FUBP3: variants seen among roughly 807,000 people sequenced by gnomAD.
The protein encoded by FUBP3 is far upstream element-binding protein 3.
FUBP3 carries 28 observed loss-of-function variants against 85.6 expected under a neutral mutation model. That is an observed-to-expected ratio of 0.33 (90% CI 0.24 to 0.45). The LOEUF (loss-of-function observed/expected upper bound fraction) is 0.45, where lower values mean the gene tolerates loss of function less well. FUBP3 is among the 20% of genes least tolerant of loss of function. FUBP3 has a pLI of 1.00. For missense variants in FUBP3, 583 were observed against 755.1 expected (o/e 0.77, Z 2.67); for synonymous variants, 271 against 271.4 (o/e 1.00, Z 0.01).
At chr9:130,581,971 A>G (rs1392914540) in intron 1 of FUBP3, 1 of 152,220 alleles carries the variant, frequency 6.6e-6, no homozygotes, top group African/African-American at 2.4e-5. Context: ...GCCTCCGTGT[A>G]TATCCTTTGG....
At chr9:130,615,856 G>A (rs1027068736) in intron 6 of FUBP3, among the ~76,000 whole-genome samples, 2 of 152,196 alleles carry the variant, frequency 1.3e-5, no homozygotes, top group African/African-American at 2.4e-5. Context: ...AAGAAGAAGC[G>A]TGGAGTATGG....
chr9:130,629,232 C>G (rs970776591), intron 12 of FUBP3, among the ~76,000 whole-genome samples: 5 of 152,162 alleles, frequency 3.3e-5, no homozygotes, highest in African/African-American at 1.2e-4. Flanking sequence ...GGGTGCTGGC[C>G]CGGTGTCCCC....
chr9:130,582,032 T>G (rs1185756156), intron 1 of FUBP3: 1 of 152,252 alleles, frequency 6.6e-6, no homozygotes, highest in Non-Finnish European at 1.5e-5. Flanking sequence ...CATGGTATTC[T>G]TAGATTGAAA....
chr9:130,583,797 G>C (rs1479561772), intron 1 of FUBP3, among the ~76,000 whole-genome samples: 1 of 152,122 alleles, frequency 6.6e-6, no homozygotes, highest in African/African-American at 2.4e-5. Flanking sequence ...TTCATACTGG[G>C]TATTGGAAAG....
intron 9 of FUBP3, among the ~76,000 whole-genome samples, 166 bp downstream of exon 9, chr9:130,620,624 C>T (rs190519964): frequency 2.0e-5 from 3 of 152,306 alleles, no homozygotes; most frequent in Admixed American, 2.0e-4. Flanking sequence ...GGAACAGCAG[C>T]AGCCTGCAGT....
intron 2 of FUBP3, 97 bp from the exon 3 acceptor site, chr9:130,609,857 T>C: frequency 4.2e-6 from 4 of 946,512 alleles, no homozygotes; most frequent in Non-Finnish European, 6.8e-6. Flanking sequence ...TCTGCCTTTC[T>C]TTTCCACCCC....
rs1407154697 is a variant in FUBP3 at position 130,583,382 on chromosome 9, A to G, written c.84+3618A>G. Reference sequence around the variant, plus strand: ...AACAAGCACTAGGTTTCCTTTTAAGAGAACACTGTACATCTACCATTAAAA... The same window carrying G: ...AACAAGCACTAGGTTTCCTTTTAAGGGAACACTGTACATCTACCATTAAAA... On this transcript the variant is annotated intron_variant, in intron 1 of 18. Transcript: ENST00000319725. Among the ~76,000 whole-genome samples the G allele has an allele frequency of 3.3e-5, 5 of 152,362 alleles. No homozygotes were observed. In the East Asian group the frequency reaches 9.6e-4, roughly 29 times the overall value.
At chr9:130,605,962 A>T (rs1013861328) in intron 2 of FUBP3, among the ~76,000 whole-genome samples, 6 of 152,132 alleles carry the variant, frequency 3.9e-5, no homozygotes, top group Non-Finnish European at 8.8e-5. Flanking sequence ...CCAGCCTGGG[A>T]GACAGAGCGA....
intron 2 of FUBP3, among the ~76,000 whole-genome samples, chr9:130,606,610 C>T (rs372807358): frequency 5.3e-5 from 8 of 152,038 alleles, no homozygotes; most frequent in African/African-American, 9.7e-5. Flanking sequence ...CACCTGAGGT[C>T]GGGAGTTCGA....
At chr9:130,589,706 T>TATATATATATATATA (rs71499252) in intron 1 of FUBP3, among the ~76,000 whole-genome samples, 13 of 40,042 alleles carry the variant, frequency 3.2e-4, no homozygotes, top group Admixed American at 9.2e-4. Flanking sequence ...TATATATATA[T>TATATATATATATATA]TTTTTTTTTT....
intron 2 of FUBP3, among the ~76,000 whole-genome samples, chr9:130,597,934 G>A (rs2119032590): frequency 6.6e-6 from 1 of 152,282 alleles, no homozygotes; most frequent in African/African-American, 2.4e-5. Context: ...CTTGCTATAG[G>A]AGGGCTTCAT....
At chr9:130,596,368 A>G (rs1830866086) in intron 2 of FUBP3, among the ~76,000 whole-genome samples, 1 of 152,146 alleles carries the variant, frequency 6.6e-6, no homozygotes, top group African/African-American at 2.4e-5. Context: ...GTTTGTACAT[A>G]TTTCTGTGAT....
Position 130,637,236 on chromosome 9 carries a change from A to T in FUBP3, c.*214A>T. 1 of 586,490 alleles carries T rather than the reference A, an allele frequency of 1.7e-6. No homozygotes were observed. Among genetic ancestry groups the T allele is most frequent in the Non-Finnish European group, 3.1e-6 (1 of 326,678 alleles). 36.3% of individuals were successfully genotyped at this position (586,490 alleles called of 1,614,324 possible). On this transcript the variant is annotated 3_prime_UTR_variant, in exon 19 of 19. Transcript: ENST00000319725. ...TTTGTTTCATTATTTTTGTTATTTCAAATGTATAAGCTCTGGGATTCTTTT... is the reference window on the plus strand; with the variant it reads ...TTTGTTTCATTATTTTTGTTATTTCTAATGTATAAGCTCTGGGATTCTTTT...
At chr9:130,618,234 C>T (rs1463805505) in intron 8 of FUBP3, among the ~76,000 whole-genome samples, 2 of 152,210 alleles carry the variant, frequency 1.3e-5, no homozygotes, top group African/African-American at 4.8e-5. Flanking sequence ...TTGCTGGTGG[C>T]ACGGCTCAGG....
Position 130,597,406 on chromosome 9 carries a change from A to C in FUBP3, c.190+1818A>C, listed in dbSNP as rs952020733. On this transcript the variant is annotated intron_variant, in intron 2 of 18. Transcript: ENST00000319725. ...GGTAGCCTCTGTCAAAGAAAACCCA[A>C]GCCAAACCAAACAAACAGCTACACA... 5.3e-5 allele frequency among the ~76,000 whole-genome samples: 8 copies of C among 152,238 alleles called. No individual in the cohort carries two copies. The South Asian group carries it at 6.2e-4, about 12-fold the overall frequency.
At chr9:130,596,407 G>A (rs1467054771) in intron 2 of FUBP3, among the ~76,000 whole-genome samples, 1 of 152,028 alleles carries the variant, frequency 6.6e-6, no homozygotes, top group East Asian at 1.9e-4. Flanking sequence ...TGAAGATGTA[G>A]AACAGTATGT....
At chr9:130,629,522 T>C (rs11791149) in intron 12 of FUBP3, among the ~76,000 whole-genome samples, 47,420 of 152,000 alleles carry the variant, frequency 0.31, 9,946 homozygotes, top group African/African-American at 0.59. Context: ...AAGACGCCCT[T>C]GTGTCTGCCT....
intron 1 of FUBP3, among the ~76,000 whole-genome samples, chr9:130,590,021 ATTTTTTTTTTTTT>A (rs60878897): frequency 3.4e-3 from 158 of 46,010 alleles, no homozygotes; most frequent in African/African-American, 0.012. Context: ...GGCCTATTTA[ATTTTTTTTTTTTT>A]TTTTTTTTTT....
At chr9:130,589,706 T>TATATAA (rs71499252) in intron 1 of FUBP3, among the ~76,000 whole-genome samples, 1 of 40,118 alleles carries the variant, frequency 2.5e-5, no homozygotes, top group African/African-American at 1.3e-4. Context: ...TATATATATA[T>TATATAA]TTTTTTTTTT....
Sources: allele counts gnomAD v4.1 joint callset (sites outside exome capture counted in the v4.1 genomes callset), GRCh38; gene constraint gnomAD v4.1.1; transcripts MANE v1.5; gene names NCBI Gene and HGNC (gene_info 2026-07-23, HGNC 2026-07-21).